Variants in EML1 observed in about 807,000 individuals in gnomAD.
The protein encoded by EML1 is EMAP like 1.
Under a neutral mutation model 110.4 loss-of-function variants are expected in EML1, and 27 were observed. The observed-to-expected ratio is 0.24, with a 90% CI of 0.18 to 0.34. The LOEUF is 0.34. EML1 is among the 10% of genes least tolerant of loss of function. The pLI, the probability that EML1 is intolerant of heterozygous loss-of-function variation, is 1.00. For missense variants in EML1, 741 were observed against 1,030.9 expected, an observed-to-expected ratio of 0.72 and a Z score of 3.85; for synonymous variants, 344 against 385.8, an observed-to-expected ratio of 0.89 and a Z score of 1.27.
chr14:99,907,938 A>C (rs970756815), intron 10 of EML1, among the ~76,000 whole-genome samples: 1 of 152,166 alleles, frequency 6.6e-6, no homozygotes, highest in Non-Finnish European at 1.5e-5. Flanking sequence ...TCTTTTCGCC[A>C]TGTCTGTAAG....
At chr14:99,782,801 T>C (rs2057555302) in intron 1 of EML1, among the ~76,000 whole-genome samples, 1 of 151,850 alleles carries the variant, frequency 6.6e-6, no homozygotes. Flanking sequence ...GGGAGGGGAG[T>C]AGGCAAGCCT....
In EML1 at chr14:99,936,303, G is replaced by A. The variant is rs1566947781; in HGVS notation, c.2064G>A (p.Val688=). 1 of 1,613,872 alleles carries A rather than the reference G, an allele frequency of 6.2e-7. No homozygotes were observed. Among genetic ancestry groups the A allele is most frequent in the African/African-American group, 1.3e-5 (1 of 75,016 alleles). The change falls in exon 19 of 22, where the codon GTG becomes GTA. Residue 688 remains valine, a synonymous_variant. Coordinates refer to ENST00000262233, the MANE Select transcript of EML1 (RefSeq NM_004434.3). The surrounding 1 kb of genome is among the most constrained non-coding windows in gnomAD (Gnocchi z 5.5). ...GGTCTGTAAACTCACAGTTCCTCGT[G>A]TCAAATTCCGGAGACTACGAAATCC... ...LDWSVNSQFL[V]SNSGDYEILY...
intron 1 of EML1, among the ~76,000 whole-genome samples, chr14:99,839,524 C>T (rs2058599856): frequency 1.3e-5 from 2 of 152,214 alleles, no homozygotes; most frequent in African/African-American, 4.8e-5. Context: ...AACACAGTCA[C>T]ATGTTGCCTC....
At chr14:99,803,157 G>C (rs1380208783) in intron 1 of EML1, among the ~76,000 whole-genome samples, 1 of 152,156 alleles carries the variant, frequency 6.6e-6, no homozygotes, top group East Asian at 1.9e-4. Flanking sequence ...GGCACGTGGT[G>C]AGTTTCCTGG....
chr14:99,856,508 C>T (rs1461603906), intron 2 of EML1, among the ~76,000 whole-genome samples: 1 of 152,146 alleles, frequency 6.6e-6, no homozygotes, highest in Non-Finnish European at 1.5e-5. Context: ...AGTTCTTTAT[C>T]CTGGTTAACC....
At chr14:99,737,817 G>T in exon 1 of EML1, 2 of 1,289,304 alleles carry the variant, frequency 1.6e-6, no homozygotes, top group Non-Finnish European at 2.0e-6. Flanking sequence ...CCAGCCGGCC[G>T]CCCATCTTCC....
At chr14:99,796,010 A>AC (rs1268557948) in intron 1 of EML1, among the ~76,000 whole-genome samples, 3 of 151,836 alleles carry the variant, frequency 2.0e-5, no homozygotes, top group East Asian at 1.9e-4. Flanking sequence ...ACATAGCAAG[A>AC]CCCCCCTCTA....
At chr14:99,902,136 T>G (rs2059773454) in intron 9 of EML1, among the ~76,000 whole-genome samples, 1 of 152,160 alleles carries the variant, frequency 6.6e-6, no homozygotes, top group African/African-American at 2.4e-5. Context: ...GTGTTCAACT[T>G]AAGAAAACAT....
At chr14:99,786,376 G>T (rs1555515) in intron 1 of EML1, among the ~76,000 whole-genome samples, 1 of 152,200 alleles carries the variant, frequency 6.6e-6, no homozygotes, top group African/African-American at 2.4e-5. Context: ...AACCACTTTT[G>T]TCCAGAGTTC....
chr14:99,892,245 C>T, intron 5 of EML1: 2 of 978,268 alleles, frequency 2.0e-6, no homozygotes, highest in Non-Finnish European at 2.4e-6. Flanking sequence ...AGCTGTTACC[C>T]AGGCTACAGA....
intron 3 of EML1, 26 bp from the exon 4 acceptor site, chr14:99,878,459 C>T: frequency 1.3e-6 from 2 of 1,593,406 alleles, no homozygotes; most frequent in Non-Finnish European, 1.7e-6. Context: ...TTAAGGAGTT[C>T]ACTGTCACTT....
chr14:99,780,737 T>C (rs2057530863), intron 1 of EML1, among the ~76,000 whole-genome samples: 1 of 152,196 alleles, frequency 6.6e-6, no homozygotes, highest in Non-Finnish European at 1.5e-5. Flanking sequence ...TAGAGATGTT[T>C]ACGTTCACAA....
intron 8 of EML1, among the ~76,000 whole-genome samples, chr14:99,899,197 AT>A (rs10627243): frequency 1.3e-5 from 2 of 151,984 alleles, no homozygotes; most frequent in South Asian, 2.1e-4. Context: ...TCTGAAACTA[AT>A]TTAAGTACAT....
chr14:99,738,861 G>A (rs868806477), intron 1 of EML1, among the ~76,000 whole-genome samples: 5 of 152,144 alleles, frequency 3.3e-5, no homozygotes, highest in South Asian at 2.1e-4. Context: ...GGCCTCCTTC[G>A]TAAGCCACCG....
chr14:99,919,555 G>A (rs540399394), intron 16 of EML1, among the ~76,000 whole-genome samples: 1 of 151,910 alleles, frequency 6.6e-6, no homozygotes, highest in Admixed American at 6.6e-5. Context: ...ATAGGCTGAC[G>A]GATGCCAGCA....
intron 1 of EML1, among the ~76,000 whole-genome samples, chr14:99,810,790 T>C (rs1311897025): frequency 2.6e-5 from 4 of 152,180 alleles, no homozygotes; most frequent in African/African-American, 9.7e-5. Context: ...TAATAACATA[T>C]TACATGTTTC....
intron 1 of EML1, among the ~76,000 whole-genome samples, chr14:99,843,218 T>C (rs2058659475): frequency 6.6e-6 from 1 of 152,110 alleles, no homozygotes; most frequent in Non-Finnish European, 1.5e-5. Flanking sequence ...ACCACTGCAC[T>C]CCAGCCTGGG....
intron 1 of EML1, among the ~76,000 whole-genome samples, chr14:99,835,869 T>C (rs138150606): frequency 4.8e-4 from 73 of 152,370 alleles, no homozygotes; most frequent in African/African-American, 1.7e-3. Flanking sequence ...GGTCTATTTC[T>C]GGACTCTCTG....
At chr14:99,779,658 G>T (rs1489454735) in intron 1 of EML1, among the ~76,000 whole-genome samples, 1 of 152,188 alleles carries the variant, frequency 6.6e-6, no homozygotes, top group Non-Finnish European at 1.5e-5. Context: ...CCCTAAAAAA[G>T]GTCCTTCCAC....
Sources: allele counts gnomAD v4.1 joint callset (sites outside exome capture counted in the v4.1 genomes callset), GRCh38; gene constraint gnomAD v4.1.1; non-coding constraint Gnocchi (gnomAD v3.1); transcripts MANE v1.5; gene names NCBI Gene and HGNC (gene_info 2026-07-23, HGNC 2026-07-21).